Variants in WWOX observed in about 807,000 individuals in gnomAD.
WWOX encodes WW domain containing oxidoreductase.
WWOX carries 69 observed loss-of-function variants against 46.2 expected under a neutral mutation model. The observed-to-expected ratio is 1.49, with a 90% confidence interval of 1.23 to 1.82. The LOEUF (loss-of-function observed/expected upper bound fraction) is 1.82, where lower values mean the gene tolerates loss of function less well. WWOX is among the 40% of genes most tolerant of loss of function. WWOX has a pLI of 0.00. For missense variants in WWOX, 919 were observed against 542.6 expected, an observed-to-expected ratio of 1.69 and a Z score of -6.89; for synonymous variants, 359 against 202.6, an observed-to-expected ratio of 1.77 and a Z score of -6.56.
intron 8 of WWOX, among the ~76,000 whole-genome samples, chr16:78,715,945 G>A (rs1359949805): frequency 1.3e-5 from 2 of 152,100 alleles, no homozygotes; most frequent in African/African-American, 4.8e-5. Context: ...GGCTGATAGG[G>A]CCTCTAACCT....
chr16:78,947,146 A>AT (rs2045965073), intron 8 of WWOX, among the ~76,000 whole-genome samples: 1 of 152,026 alleles, frequency 6.6e-6, no homozygotes, highest in South Asian at 2.1e-4. Context: ...TTAGTCTTCC[A>AT]TTAAAAATAG....
At chr16:78,667,266 A>G (rs2047352626) in intron 8 of WWOX, among the ~76,000 whole-genome samples, 1 of 152,212 alleles carries the variant, frequency 6.6e-6, no homozygotes, top group Non-Finnish European at 1.5e-5. Flanking sequence ...CTAGAAGCAG[A>G]GCTGTAAGTC....
At chr16:78,546,628 C>G (rs530550131) in intron 8 of WWOX, among the ~76,000 whole-genome samples, 3 of 152,298 alleles carry the variant, frequency 2.0e-5, no homozygotes, top group South Asian at 2.1e-4. Context: ...AATATAAATT[C>G]CTAGTCCCAC....
At position 78,797,366 on chromosome 16, in the gene WWOX, A is replaced by AAAAAAG. The variant is rs1251595485; in HGVS notation, c.1056+364619_1056+364620insGAAAAA. The stretch of plus-strand genomic sequence containing the variant: ...TTTAAGGGTCAAAGTGGTAAAAAAA[A>AAAAAAG]AAAAAAAAAAAAAAGGAAAATCAAA... On this transcript the variant is annotated intron_variant, in intron 8 of 8. Coordinates refer to ENST00000566780, the MANE Select transcript of WWOX (RefSeq NM_016373.4). 6.4e-3 allele frequency among the ~76,000 whole-genome samples: 962 copies of AAAAAAG among 150,132 alleles called. 20 individuals carry two copies. Among genetic ancestry groups the AAAAAAG allele is most frequent in the African/African-American group, 0.022 (907 of 40,726 alleles).
chr16:78,574,793 G>A (rs550225921), intron 8 of WWOX, among the ~76,000 whole-genome samples: 1 of 150,464 alleles, frequency 6.6e-6, no homozygotes, highest in Admixed American at 6.7e-5. Flanking sequence ...GTGGTTGCTG[G>A]GGCTAGGGGG....
At chr16:78,118,744 T>C (rs371305758) in intron 4 of WWOX, among the ~76,000 whole-genome samples, 4 of 152,152 alleles carry the variant, frequency 2.6e-5, no homozygotes, top group Non-Finnish European at 5.9e-5. Context: ...GAAAGTGATA[T>C]CACCCTAACA....
At chr16:78,745,349 C>A (rs12923524) in intron 8 of WWOX, among the ~76,000 whole-genome samples, 1 of 152,154 alleles carries the variant, frequency 6.6e-6, no homozygotes, top group African/African-American at 2.4e-5. Context: ...AGGCTTTCTG[C>A]CATGAGTACT....
intron 4 of WWOX, among the ~76,000 whole-genome samples, chr16:78,152,442 C>T (rs2151722373): frequency 6.6e-6 from 1 of 152,236 alleles, no homozygotes; most frequent in East Asian, 1.9e-4. Context: ...AGAGCATGTC[C>T]ACTTCAAATT....
chr16:78,305,968 A>T (rs944642153), intron 5 of WWOX, among the ~76,000 whole-genome samples: 1 of 152,066 alleles, frequency 6.6e-6, no homozygotes, highest in Non-Finnish European at 1.5e-5. Context: ...TTGATTGGGA[A>T]CAGGTTCTAA....
At chr16:78,867,740 G>T (rs1351750757) in intron 8 of WWOX, among the ~76,000 whole-genome samples, 1 of 151,994 alleles carries the variant, frequency 6.6e-6, no homozygotes, top group Non-Finnish European at 1.5e-5. Flanking sequence ...TACAACTGGT[G>T]AGCTGTGAGC....
At chr16:79,048,074 GA>G (rs1260220411) in intron 8 of WWOX, among the ~76,000 whole-genome samples, 9 of 152,126 alleles carry the variant, frequency 5.9e-5, no homozygotes, top group Non-Finnish European at 8.8e-5. Flanking sequence ...CGTCTTCTAG[GA>G]TATCAGGGGA....
At chr16:78,736,565 TTC>T (rs2049096801) in intron 8 of WWOX, among the ~76,000 whole-genome samples, 1 of 150,788 alleles carries the variant, frequency 6.6e-6, no homozygotes, top group South Asian at 2.1e-4. Context: ...TTTTCTTCTC[TTC>T]TCTTTCTTTC....
chr16:78,217,434 A>G (rs552827928), intron 5 of WWOX, among the ~76,000 whole-genome samples: 35 of 152,342 alleles, frequency 2.3e-4, no homozygotes, highest in African/African-American at 7.2e-4. Context: ...GAGCAGCAGA[A>G]CAAAAATCGA....
chr16:78,222,222 T>A (rs549535684), intron 5 of WWOX, among the ~76,000 whole-genome samples: 3 of 152,084 alleles, frequency 2.0e-5, no homozygotes, highest in Non-Finnish European at 4.4e-5. Flanking sequence ...CTAAGCTGTC[T>A]CCTGGGAAGT....
At chr16:78,309,178 G>T (rs1258314467) in intron 5 of WWOX, among the ~76,000 whole-genome samples, 2 of 152,162 alleles carry the variant, frequency 1.3e-5, no homozygotes, top group Non-Finnish European at 2.9e-5. Flanking sequence ...GACATGTCAA[G>T]GGAGAGACCA....
chr16:78,889,273 A>C (rs984973079), intron 8 of WWOX, among the ~76,000 whole-genome samples: 1 of 152,028 alleles, frequency 6.6e-6, no homozygotes, highest in African/African-American at 2.4e-5. Flanking sequence ...GTTCATATCT[A>C]ATTATTTTCA....
At chr16:79,202,179 G>C (rs1166745952) in intron 8 of WWOX, among the ~76,000 whole-genome samples, 1 of 152,166 alleles carries the variant, frequency 6.6e-6, no homozygotes, top group Non-Finnish European at 1.5e-5. Context: ...ATGGGCCACA[G>C]AGCCTAAATT....
chr16:78,556,964 C>G (rs1373187909), intron 8 of WWOX, among the ~76,000 whole-genome samples: 1 of 151,988 alleles, frequency 6.6e-6, no homozygotes, highest in Admixed American at 6.6e-5. Flanking sequence ...GGTGATTCAC[C>G]CACCTCAGCC....
At chr16:78,735,426 C>CACACACACACACACACACACACAA (rs57609552) in intron 8 of WWOX, among the ~76,000 whole-genome samples, 7 of 150,302 alleles carry the variant, frequency 4.7e-5, no homozygotes, top group South Asian at 2.1e-4. Context: ...CACACACACA[C>CACACACACACACACACACACACAA]TAATATGGTT....
Sources: allele counts gnomAD v4.1 joint callset (sites outside exome capture counted in the v4.1 genomes callset), GRCh38; gene constraint gnomAD v4.1.1; transcripts MANE v1.5; gene names NCBI Gene and HGNC (gene_info 2026-07-23, HGNC 2026-07-21).